The following RGS6 variants were observed in gnomAD, a reference collection of about 807,000 sequenced individuals.
RGS6 encodes regulator of G protein signaling 6.
RGS6 carries 30 observed loss-of-function variants against 78.5 expected under a neutral mutation model. The observed-to-expected ratio is 0.38, with a 90% CI of 0.29 to 0.52. The LOEUF is 0.52. RGS6 is among the 20% of genes least tolerant of loss of function. The pLI, the probability that RGS6 is intolerant of heterozygous loss-of-function variation, is 0.85. For missense variants in RGS6, 495 were observed against 609.7 expected (o/e 0.81, Z 1.98); for synonymous variants, 206 against 206.0 (o/e 1.00, Z 0.00).
intron 2 of RGS6, among the ~76,000 whole-genome samples, chr14:72,062,316 G>A (rs1039375414): frequency 2.6e-5 from 4 of 152,234 alleles, no homozygotes; most frequent in African/African-American, 9.6e-5. Flanking sequence ...CAAGTGAGGA[G>A]AGGTGGGTAG....
chr14:72,382,939 T>G (rs992253759), intron 3 of RGS6, among the ~76,000 whole-genome samples: 3 of 151,934 alleles, frequency 2.0e-5, no homozygotes, highest in Non-Finnish European at 4.4e-5. Flanking sequence ...GAGGACTAAC[T>G]TTTGTGGGGA....
chr14:72,465,273 G>A (rs1234025141), intron 6 of RGS6, among the ~76,000 whole-genome samples: 1 of 152,132 alleles, frequency 6.6e-6, no homozygotes, highest in Admixed American at 6.5e-5. Flanking sequence ...GAGCTTTTAG[G>A]CACTGGAGTA....
At chr14:72,489,852 G>A (rs750496342) in intron 12 of RGS6, among the ~76,000 whole-genome samples, 1 of 152,214 alleles carries the variant, frequency 6.6e-6, no homozygotes, top group Admixed American at 6.5e-5. Context: ...ATAAACTTCT[G>A]TTGTTTTAAC....
At chr14:72,414,175 G>A (rs4601980) in intron 3 of RGS6, among the ~76,000 whole-genome samples, 7,198 of 152,210 alleles carry the variant, frequency 0.047, 419 homozygotes, top group East Asian at 0.33. Flanking sequence ...TTCCAACTTG[G>A]TTCCATTCTC....
chr14:72,389,210 T>C (rs2089243371), intron 3 of RGS6, among the ~76,000 whole-genome samples: 1 of 152,162 alleles, frequency 6.6e-6, no homozygotes, highest in African/African-American at 2.4e-5. Flanking sequence ...GCGGTGCTAA[T>C]TGTCCCTGTC....
chr14:72,393,952 A>G lies in RGS6; in HGVS notation c.184+41758A>G, dbSNP rs559305889. 4.6e-4 allele frequency among the ~76,000 whole-genome samples: 70 copies of G among 152,330 alleles called. 1 individual carries two copies. The highest frequency in any genetic ancestry group is 5.0e-4 in the Non-Finnish European group (34 of 68,032). On this transcript the variant is annotated intron_variant, in intron 3 of 17. Transcript: ENST00000553525. ...TGGCGTATGCTGACATTATCAGTCCAAGATAGACTTGAGCCAGGAGCCTCT... is the reference window on the plus strand; with the variant it reads ...TGGCGTATGCTGACATTATCAGTCCGAGATAGACTTGAGCCAGGAGCCTCT...
At chr14:72,216,519 C>T (rs1428727292) in intron 2 of RGS6, among the ~76,000 whole-genome samples, 1 of 151,998 alleles carries the variant, frequency 6.6e-6, no homozygotes, top group Non-Finnish European at 1.5e-5. Context: ...CTTTCTAGGC[C>T]CTTTAAATGT....
intron 2 of RGS6, among the ~76,000 whole-genome samples, chr14:72,290,352 G>C (rs1431264934): frequency 6.6e-6 from 1 of 152,078 alleles, no homozygotes; most frequent in Non-Finnish European, 1.5e-5. Flanking sequence ...TTTGCATTCT[G>C]CCCTCCCTCC....
chr14:71,925,155 C>T, the RGS6 span, among the ~76,000 whole-genome samples: 1 of 152,120 alleles, frequency 6.6e-6, no homozygotes, highest in African/African-American at 2.4e-5. Context: ...TTGCATTTCT[C>T]TGATGATTTA....
intron 2 of RGS6, among the ~76,000 whole-genome samples, chr14:72,204,033 A>C (rs2042173365): frequency 1.3e-5 from 2 of 152,022 alleles, no homozygotes; most frequent in Admixed American, 6.6e-5. Flanking sequence ...CATGTTGGCC[A>C]GGCTGGTCTC....
At chr14:72,579,945 G>T in the RGS6 span, among the ~76,000 whole-genome samples, 6 of 152,294 alleles carry the variant, frequency 3.9e-5, no homozygotes, top group African/African-American at 1.4e-4. Flanking sequence ...GTGAGATCTG[G>T]ACAATAGGAA....
At chr14:72,292,386 ACT>A (rs2063759871) in intron 2 of RGS6, among the ~76,000 whole-genome samples, 1 of 152,034 alleles carries the variant, frequency 6.6e-6, no homozygotes, top group African/African-American at 2.4e-5. Flanking sequence ...GACAGAGGAG[ACT>A]CTGGCTGGAC....
At chr14:72,295,591 T>C (rs187296706) in intron 2 of RGS6, among the ~76,000 whole-genome samples, 96 of 152,322 alleles carry the variant, frequency 6.3e-4, no homozygotes, top group African/African-American at 2.1e-3. Flanking sequence ...TACCAGGTTT[T>C]GTTGGTATAA....
chr14:72,153,928 T>C (rs1598468085), intron 2 of RGS6, among the ~76,000 whole-genome samples: 1 of 152,132 alleles, frequency 6.6e-6, no homozygotes, highest in Non-Finnish European at 1.5e-5. Context: ...ACCAAAAATT[T>C]ACCAGGGTGG....
chr14:72,462,431 C>T (rs938620021), intron 6 of RGS6, among the ~76,000 whole-genome samples: 3 of 152,046 alleles, frequency 2.0e-5, no homozygotes, highest in Non-Finnish European at 4.4e-5. Flanking sequence ...AAGTTTTTTC[C>T]CTACTTGGGA....
the RGS6 span, among the ~76,000 whole-genome samples, chr14:72,599,542 G>A: frequency 6.8e-6 from 1 of 147,556 alleles, no homozygotes; most frequent in African/African-American, 2.5e-5. Flanking sequence ...CCGAGTAGCT[G>A]GGACTACAGG....
chr14:72,270,306 G>A (rs1378965746), intron 2 of RGS6, among the ~76,000 whole-genome samples: 1 of 152,204 alleles, frequency 6.6e-6, no homozygotes, highest in Non-Finnish European at 1.5e-5. Context: ...GCATGAGACT[G>A]GATGACAGTC....
intron 3 of RGS6, among the ~76,000 whole-genome samples, chr14:72,434,587 G>A (rs2094814339): frequency 6.6e-6 from 1 of 152,154 alleles, no homozygotes; most frequent in African/African-American, 2.4e-5. Context: ...TCTTGCCCAG[G>A]CTGATCTCAA....
At chr14:72,308,925 C>A (rs541919924) in intron 2 of RGS6, among the ~76,000 whole-genome samples, 1 of 152,314 alleles carries the variant, frequency 6.6e-6, no homozygotes, top group African/African-American at 2.4e-5. Context: ...TTTTACACTT[C>A]ACTTTAGGAT....
Sources: gnomAD v4.1 joint callset for allele counts (sites outside exome capture counted in the v4.1 genomes callset) on GRCh38, gnomAD v4.1.1 for gene constraint, MANE v1.5 for transcripts, NCBI Gene and HGNC (gene_info 2026-07-23, HGNC 2026-07-21) for gene names.